Variants in MAP2K5 observed in about 807,000 individuals in gnomAD.
MAP2K5 encodes the protein mitogen-activated protein kinase kinase 5.
MAP2K5 carries 49 observed loss-of-function variants against 83.1 expected under a neutral mutation model. That is an observed-to-expected ratio of 0.59 (90% CI 0.47 to 0.75). MAP2K5 has a LOEUF of 0.75. Among genes scored for constraint, MAP2K5 ranks in the 30% least tolerant of loss-of-function variants. MAP2K5 has a pLI of 0.00. For missense variants in MAP2K5, 457 were observed against 557.5 expected (o/e 0.82, Z 1.82); for synonymous variants, 202 against 191.8 (o/e 1.05, Z -0.44).
At chr15:67,759,051 C>T (rs2089897597) in intron 19 of MAP2K5, among the ~76,000 whole-genome samples, 1 of 152,136 alleles carries the variant, frequency 6.6e-6, no homozygotes, top group African/African-American at 2.4e-5. Flanking sequence ...TTTAATTTGG[C>T]ATGGAGGAGC....
intron 11 of MAP2K5, among the ~76,000 whole-genome samples, chr15:67,655,048 G>C (rs2087035598): frequency 6.7e-6 from 1 of 148,960 alleles, no homozygotes; most frequent in Non-Finnish European, 1.5e-5. Context: ...CTGGGTGACA[G>C]AGTGAGACTC....
At chr15:67,629,441 G>A (rs980269263) in intron 8 of MAP2K5, among the ~76,000 whole-genome samples, 1 of 151,218 alleles carries the variant, frequency 6.6e-6, no homozygotes, top group Non-Finnish European at 1.5e-5. Flanking sequence ...GCAATAGTCT[G>A]ATCATGATGC....
At chr15:67,658,903 T>G (rs1355489693) in intron 12 of MAP2K5, 1 of 469,378 alleles carries the variant, frequency 2.1e-6, no homozygotes, top group Non-Finnish European at 4.1e-6. Flanking sequence ...AAAAAAATGC[T>G]GTTTTTTGTT....
At chr15:67,550,126 T>G in intron 2 of MAP2K5, 44 bp downstream of exon 2, 1 of 1,549,804 alleles carries the variant, frequency 6.5e-7, no homozygotes, top group Non-Finnish European at 8.9e-7. Flanking sequence ...CTTTCTGCAG[T>G]CATTTTTTAA....
chr15:67,549,015 G>T (rs1253284882), intron 1 of MAP2K5: 11 of 1,444,114 alleles, frequency 7.6e-6, no homozygotes, highest in Non-Finnish European at 9.9e-6. Context: ...CAGCCACTCT[G>T]CTAAGTGCCC....
At chr15:67,804,141 A>AC (rs1253995709) in intron 21 of MAP2K5, among the ~76,000 whole-genome samples, 1 of 150,136 alleles carries the variant, frequency 6.7e-6, no homozygotes, top group Admixed American at 6.6e-5. Flanking sequence ...TGCCGTCACG[A>AC]CCCCCCGCCT....
Position 67,775,807 on chromosome 15 carries a change from A to G in MAP2K5, c.1242+3055A>G, listed in dbSNP as rs2090227135. 6.6e-6 allele frequency among the ~76,000 whole-genome samples: 1 copy of G among 152,218 alleles called. No homozygotes were observed. The stretch of plus-strand genomic sequence containing the variant: ...GCAAAGGAAACAGGATGGGCAAAGC[A>G]TGAGTGTATCTCGGTTTCAGACATT... On this transcript the variant is annotated intron_variant, in intron 21 of 21. Transcript: ENST00000178640. The surrounding 1 kb of genome is among the most constrained non-coding windows in gnomAD (Gnocchi z 5.3).
rs973946238 is a variant in MAP2K5 at position 67,563,761 on chromosome 15, T to C, written c.252+411T>C. The stretch of plus-strand genomic sequence containing the variant: ...GTTTACAATGTAGCTGCAGGCTTAA[T>C]ATGGATACACGATTTAAAGATGTAC... On this transcript the variant is annotated intron_variant, in intron 3 of 21. Transcript: ENST00000178640. This position sits in a 1 kb window ranked among gnomAD's most constrained non-coding sequence, Gnocchi z 4.5. Among the ~76,000 whole-genome samples, 1 of 152,178 alleles carries C rather than the reference T, an allele frequency of 6.6e-6. No homozygotes were observed. The highest frequency in any genetic ancestry group is 1.5e-5 in the Non-Finnish European group (1 of 68,028).
Position 67,717,786 on chromosome 15 carries a change from C to T in MAP2K5, c.1045-10130C>T, listed in dbSNP as rs1410656673. Among the ~76,000 whole-genome samples, 2 of 152,144 alleles carry T rather than the reference C, an allele frequency of 1.3e-5. No individual in the cohort carries two copies. Among genetic ancestry groups the T allele is most frequent in the African/African-American group, 4.8e-5 (2 of 41,432 alleles). ...TGGCTGGGACCCTCCTCTCCCATCT[C>T]CCCTTCATGGCTAGCTTAGACTTCC... On this transcript the variant is annotated intron_variant, in intron 16 of 21. Transcript: ENST00000178640. This position sits in a 1 kb window ranked among gnomAD's most constrained non-coding sequence, Gnocchi z 4.1.
chr15:67,779,981 C>T lies in MAP2K5; in HGVS notation c.1242+7229C>T, dbSNP rs568237220. Reference sequence around the variant, plus strand: ...GGGTGGTGCCCTCAGCCTAAAAGAGCCTCCTCTCCCCTCCCCTGGAAGGTC... The same window carrying T: ...GGGTGGTGCCCTCAGCCTAAAAGAGTCTCCTCTCCCCTCCCCTGGAAGGTC... On this transcript the variant is annotated intron_variant, in intron 21 of 21. Coordinates refer to ENST00000178640, the MANE Select transcript of MAP2K5 (RefSeq NM_145160.3). The surrounding 1 kb of genome is among the most constrained non-coding windows in gnomAD (Gnocchi z 4.6). Among the ~76,000 whole-genome samples, 2 of 152,106 alleles carry T rather than the reference C, an allele frequency of 1.3e-5. No homozygotes were observed. The highest frequency in any genetic ancestry group is 2.9e-5 in the Non-Finnish European group (2 of 67,986).
At position 67,769,053 on chromosome 15, in the gene MAP2K5, G is replaced by A. The variant is rs373998284; in HGVS notation, c.1135-549G>A. On this transcript the variant is annotated intron_variant, in intron 19 of 21. Transcript: ENST00000178640. The surrounding 1 kb of genome is among the most constrained non-coding windows in gnomAD (Gnocchi z 5.2). Reference sequence around the variant, plus strand: ...GGAGTCTGCCTAGACTGGCAAATAGGCTGAAATTCCTTTTCAGGAAACAAC... The same window carrying A: ...GGAGTCTGCCTAGACTGGCAAATAGACTGAAATTCCTTTTCAGGAAACAAC... Among the ~76,000 whole-genome samples the A allele has an allele frequency of 5.3e-5, 8 of 151,938 alleles. No individual in the cohort carries two copies. The highest frequency in any genetic ancestry group is 2.0e-4 in the Admixed American group (3 of 15,260).
In MAP2K5 at chr15:67,749,528, G is replaced by A. The variant is rs2089674307; in HGVS notation, c.1134+927G>A. On this transcript the variant is annotated intron_variant, in intron 19 of 21. Coordinates refer to ENST00000178640, the MANE Select transcript of MAP2K5 (RefSeq NM_145160.3). The surrounding 1 kb of genome is among the most constrained non-coding windows in gnomAD (Gnocchi z 4.6). ...AATTATTCCTCTCAATTAAACATCTGCATAACCAGTTATGAAATTTGGGAG... is the reference window on the plus strand; with the variant it reads ...AATTATTCCTCTCAATTAAACATCTACATAACCAGTTATGAAATTTGGGAG... Among the ~76,000 whole-genome samples the A allele has an allele frequency of 6.6e-6, 1 of 152,034 alleles. No individual in the cohort carries two copies. The highest frequency in any genetic ancestry group is 1.5e-5 in the Non-Finnish European group (1 of 68,016).
chr15:67,805,255 G>A (rs1042643667), intron 21 of MAP2K5, among the ~76,000 whole-genome samples: 6 of 152,190 alleles, frequency 3.9e-5, no homozygotes, highest in Admixed American at 6.5e-5. Flanking sequence ...TCCCAACCTC[G>A]AATGAGAAGG....
At chr15:67,789,290 T>TGGAAA (rs2090473446) in intron 21 of MAP2K5, among the ~76,000 whole-genome samples, 1 of 152,202 alleles carries the variant, frequency 6.6e-6, no homozygotes. Context: ...TATTTTTTTG[T>TGGAAA]TATTAAGACA....
In MAP2K5 at chr15:67,769,518, A is replaced by C; in HGVS notation, c.1135-84A>C. The C allele has an allele frequency of 2.5e-6, 3 of 1,181,194 alleles. No individual in the cohort carries two copies. Among genetic ancestry groups the C allele is most frequent in the Non-Finnish European group, 3.8e-6 (3 of 791,672 alleles). The allele number at this position is 1,181,194 out of a possible 1,614,324, so 73.2% of individuals were successfully genotyped here. ...TCTCATTGTATTCATCTTTATACTC[A>C]TCCTTCACATGGGTGGGTGGGGAAT... On this transcript the variant is annotated intron_variant, in intron 19 of 21. Transcript: ENST00000178640. The surrounding 1 kb of genome is among the most constrained non-coding windows in gnomAD (Gnocchi z 5.2).
intron 17 of MAP2K5, among the ~76,000 whole-genome samples, chr15:67,739,463 T>TATATATATATATATA (rs1223279692): frequency 4.9e-5 from 1 of 20,492 alleles, no homozygotes; most frequent in African/African-American, 2.5e-4. Flanking sequence ...TATATATATA[T>TATATATATATATATA]TTTTTTTTTT....
At chr15:67,679,596 GT>G (rs1279653203) in intron 13 of MAP2K5, 1 of 152,002 alleles carries the variant, frequency 6.6e-6, no homozygotes, top group Non-Finnish European at 1.5e-5. Flanking sequence ...TGTAATTGCG[GT>G]TTATCAGGCC....
chr15:67,656,323 T>C (rs181943655), intron 11 of MAP2K5, among the ~76,000 whole-genome samples: 1 of 114,854 alleles, frequency 8.7e-6, no homozygotes, highest in African/African-American at 2.9e-5. Flanking sequence ...GGGAAACCTT[T>C]TAATTTTTTT....
chr15:67,774,675 A>G lies in MAP2K5; in HGVS notation c.1242+1923A>G, dbSNP rs2090205898. Among the ~76,000 whole-genome samples the G allele has an allele frequency of 6.6e-6, 1 of 152,124 alleles. No individual in the cohort carries two copies. Among genetic ancestry groups the G allele is most frequent in the Non-Finnish European group, 1.5e-5 (1 of 68,020 alleles). ...AATTTTTCCTTTTCTCTTCCCACCT[A>G]CAACCTATTTGATGGTGCTCCCATC... On this transcript the variant is annotated intron_variant, in intron 21 of 21. Coordinates refer to ENST00000178640, the MANE Select transcript of MAP2K5 (RefSeq NM_145160.3). The surrounding 1 kb of genome is among the most constrained non-coding windows in gnomAD (Gnocchi z 4.9).
Sources: gnomAD v4.1 joint callset for allele counts (sites outside exome capture counted in the v4.1 genomes callset) on GRCh38, gnomAD v4.1.1 for gene constraint, Gnocchi (gnomAD v3.1) non-coding constraint, MANE v1.5 for transcripts, NCBI Gene and HGNC (gene_info 2026-07-23, HGNC 2026-07-21) for gene names.